Variants in GRM8 observed in about 807,000 individuals in gnomAD.
GRM8 encodes the protein glutamate metabotropic receptor 8, also known as metabotropic glutamate receptor 8.
A neutral mutation model predicts 87.2 loss-of-function variants in GRM8; 47 were observed. The observed-to-expected ratio is 0.54, with a 90% CI of 0.43 to 0.69. The LOEUF is 0.69. Ranked by LOEUF, GRM8 falls within the 30% of genes least tolerant of loss-of-function variation. The pLI is 0.00. For missense variants in GRM8, 1,019 were observed against 1,139.2 expected (o/e 0.89, Z 1.52); for synonymous variants, 396 against 404.5 (o/e 0.98, Z 0.25).
chr7:126,640,729 G>T (rs1403644843), intron 7 of GRM8, among the ~76,000 whole-genome samples: 1 of 151,838 alleles, frequency 6.6e-6, no homozygotes, highest in African/African-American at 2.4e-5. Context: ...TAGTTGTTCT[G>T]GACCTTCCCC....
intron 7 of GRM8, among the ~76,000 whole-genome samples, chr7:126,637,063 G>A (rs1012124092): frequency 2.6e-5 from 4 of 152,006 alleles, no homozygotes; most frequent in African/African-American, 9.6e-5. Context: ...CACTTTATTG[G>A]CCCATTGTCA....
intron 3 of GRM8, among the ~76,000 whole-genome samples, chr7:126,941,739 C>T (rs888797649): frequency 2.6e-5 from 4 of 151,952 alleles, no homozygotes; most frequent in African/African-American, 4.8e-5. Context: ...CAAATGCAAC[C>T]GTGGTTGCAG....
intron 3 of GRM8, among the ~76,000 whole-genome samples, chr7:127,033,103 G>A (rs1469518601): frequency 1.3e-5 from 2 of 150,038 alleles, no homozygotes; most frequent in East Asian, 3.9e-4. Flanking sequence ...TTGTCTCCTG[G>A]TCTGTTGCTT....
At chr7:126,908,182 T>C (rs1170094785) in intron 3 of GRM8, among the ~76,000 whole-genome samples, 4 of 152,084 alleles carry the variant, frequency 2.6e-5, no homozygotes, top group African/African-American at 9.7e-5. Context: ...GGTTAGGTAT[T>C]TGAAGTGTTG....
intron 9 of GRM8, among the ~76,000 whole-genome samples, chr7:126,492,107 A>G (rs553325003): frequency 6.6e-6 from 1 of 152,100 alleles, no homozygotes; most frequent in Admixed American, 6.5e-5. Context: ...CCTAGGCTGG[A>G]GTACGGTGGT....
intron 9 of GRM8, among the ~76,000 whole-genome samples, chr7:126,532,375 C>A (rs1562927778): frequency 6.6e-6 from 1 of 152,152 alleles, no homozygotes; most frequent in Non-Finnish European, 1.5e-5. Context: ...ATGGTTCAGA[C>A]TGAACGAAGC....
At chr7:126,957,907 C>T (rs1308915000) in intron 3 of GRM8, among the ~76,000 whole-genome samples, 5 of 152,202 alleles carry the variant, frequency 3.3e-5, no homozygotes, top group African/African-American at 4.8e-5. Flanking sequence ...GAAGTGACAA[C>T]TTAGGTCCTT....
intron 7 of GRM8, among the ~76,000 whole-genome samples, chr7:126,691,296 G>A (rs1808780052): frequency 6.6e-6 from 1 of 152,214 alleles, no homozygotes; most frequent in African/African-American, 2.4e-5. Flanking sequence ...GACAGTGCCT[G>A]GGCTCAGCCT....
At chr7:126,713,525 G>A (rs1811354831) in intron 7 of GRM8, among the ~76,000 whole-genome samples, 1 of 150,748 alleles carries the variant, frequency 6.6e-6, no homozygotes, top group South Asian at 2.1e-4. Context: ...TGATTGGGTT[G>A]ATGGGTGCAG....
In GRM8 at chr7:126,687,201, T is replaced by C. The variant is rs185739495; in HGVS notation, c.1358-77703A>G. Reference sequence around the variant, plus strand: ...CTATACCAGCTCCCAACCACAAATCTCTCCTCTTGATAGCCACTCTGACTT... The same window carrying C: ...CTATACCAGCTCCCAACCACAAATCCCTCCTCTTGATAGCCACTCTGACTT... On this transcript the variant is annotated intron_variant, in intron 7 of 10. Transcript: ENST00000339582. Among the ~76,000 whole-genome samples, 11 of 152,284 alleles carry C rather than the reference T, an allele frequency of 7.2e-5. No individual in the cohort carries two copies. In the East Asian group the frequency reaches 1.9e-3, roughly 27 times the overall value.
chr7:126,929,342 G>A (rs1035281370), intron 3 of GRM8, among the ~76,000 whole-genome samples: 1 of 152,208 alleles, frequency 6.6e-6, no homozygotes, highest in Non-Finnish European at 1.5e-5. Context: ...TGCTGTTGAA[G>A]ACAGCAGCCA....
At chr7:127,045,438 G>A (rs1195295730) in intron 3 of GRM8, among the ~76,000 whole-genome samples, 1 of 151,822 alleles carries the variant, frequency 6.6e-6, no homozygotes, top group Non-Finnish European at 1.5e-5. Flanking sequence ...CCTAACTCCA[G>A]GCAGTCTAAT....
At chr7:126,934,691 T>C (rs1434833056) in intron 3 of GRM8, among the ~76,000 whole-genome samples, 1 of 152,154 alleles carries the variant, frequency 6.6e-6, no homozygotes, top group Non-Finnish European at 1.5e-5. Flanking sequence ...TTTTCTGTGA[T>C]ATAATTTCTA....
chr7:126,444,350 A>G (rs1053313521), intron 10 of GRM8, among the ~76,000 whole-genome samples: 2 of 152,090 alleles, frequency 1.3e-5, no homozygotes, highest in Admixed American at 1.3e-4. Context: ...TTGCTTACCT[A>G]TACTCAGAGA....
chr7:126,564,530 C>T (rs1794026352), intron 8 of GRM8, among the ~76,000 whole-genome samples: 1 of 152,080 alleles, frequency 6.6e-6, no homozygotes, highest in South Asian at 2.1e-4. Flanking sequence ...AAGACTGAAT[C>T]ATTAAGAAAT....
chr7:127,216,516 TCAAAAAAAAAAAAAAAAA>T (rs1301651470), intron 2 of GRM8, among the ~76,000 whole-genome samples: 7 of 39,590 alleles, frequency 1.8e-4, no homozygotes, highest in African/African-American at 7.1e-4. Flanking sequence ...AGACTCCGTC[TCAAAAAAAAAAAAAAAAA>T]CAAAAAAAAA....
chr7:126,730,390 T>G lies in GRM8; in HGVS notation c.1357+39475A>C, dbSNP rs796681456. Among the ~76,000 whole-genome samples, 33 of 152,278 alleles carry G rather than the reference T, an allele frequency of 2.2e-4. 1 individual carries two copies. The highest frequency in any genetic ancestry group is 7.9e-4 in the African/African-American group (33 of 41,570). On this transcript the variant is annotated intron_variant, in intron 7 of 10. Coordinates refer to ENST00000339582, the MANE Select transcript of GRM8 (RefSeq NM_000845.3). The stretch of plus-strand genomic sequence containing the variant: ...CTGAGCAAAGATCCAAGATTAGAGA[T>G]GCTCAAGGTCAATTTTTGCCACAGT...
intron 6 of GRM8, among the ~76,000 whole-genome samples, chr7:126,872,336 A>G (rs1799172359): frequency 6.6e-6 from 1 of 152,100 alleles, no homozygotes; most frequent in Non-Finnish European, 1.5e-5. Context: ...CATGCTTAGA[A>G]CCATAGGGAA....
chr7:126,524,238 A>G (rs998830050), intron 9 of GRM8, among the ~76,000 whole-genome samples: 2 of 152,186 alleles, frequency 1.3e-5, no homozygotes, highest in Admixed American at 6.5e-5. Flanking sequence ...CATATCTGAC[A>G]TGCCTTTTTT....
Sources: gnomAD v4.1 joint callset for allele counts (sites outside exome capture counted in the v4.1 genomes callset) on GRCh38, gnomAD v4.1.1 for gene constraint, MANE v1.5 for transcripts, NCBI Gene and HGNC (gene_info 2026-07-23, HGNC 2026-07-21) for gene names.